Variants in ARL15 observed in about 807,000 individuals in gnomAD.
ARL15 encodes ADP-ribosylation factor-like protein 15.
A neutral mutation model predicts 25.2 loss-of-function variants in ARL15; 19 were observed. The ratio of observed to expected loss-of-function variants is 0.75; its 90% confidence interval spans 0.53 to 1.10. The LOEUF is 1.10. ARL15 is among the 50% of genes least tolerant of loss of function. The probability of loss-of-function intolerance (pLI) is 0.00; values close to 1 mark genes in which losing one functional copy is unlikely to be tolerated. For synonymous variants in ARL15, 94 were observed against 86.8 expected, an observed-to-expected ratio of 1.08 and a Z score of -0.46; for missense variants, 220 against 246.0, an observed-to-expected ratio of 0.89 and a Z score of 0.71.
chr5:53,904,404 T>A (rs1392720675), intron 4 of ARL15, among the ~76,000 whole-genome samples: 2 of 152,182 alleles, frequency 1.3e-5, no homozygotes, highest in Non-Finnish European at 2.9e-5. Context: ...ACTTGAGAAT[T>A]TCTATTCCTA....
intron 1 of ARL15, among the ~76,000 whole-genome samples, chr5:54,228,185 T>C (rs1756575862): frequency 6.6e-6 from 1 of 152,114 alleles, no homozygotes; most frequent in South Asian, 2.1e-4. Context: ...CTCACATCCC[T>C]AAAAATAGAG....
At chr5:54,102,592 T>C (rs1343194674) in intron 4 of ARL15, among the ~76,000 whole-genome samples, 1 of 152,176 alleles carries the variant, frequency 6.6e-6, no homozygotes, top group Non-Finnish European at 1.5e-5. Flanking sequence ...CAATGAAATA[T>C]GCTAACGCCT....
intron 4 of ARL15, among the ~76,000 whole-genome samples, chr5:53,922,493 C>T (rs1296993233): frequency 1.3e-5 from 2 of 151,894 alleles, no homozygotes; most frequent in East Asian, 3.9e-4. Context: ...ACAAGAGGAA[C>T]ATTTAAGATA....
chr5:54,309,506 G>C (rs1425624920), intron 1 of ARL15, among the ~76,000 whole-genome samples: 1 of 152,220 alleles, frequency 6.6e-6, no homozygotes, highest in Non-Finnish European at 1.5e-5. Context: ...GATGACAGGA[G>C]GGTCAATGTT....
chr5:54,144,575 C>A (rs1471655684), intron 3 of ARL15, among the ~76,000 whole-genome samples: 1 of 152,110 alleles, frequency 6.6e-6, no homozygotes, highest in Non-Finnish European at 1.5e-5. Flanking sequence ...TTTTTCTTCT[C>A]ATTTTTCATT....
intron 4 of ARL15, among the ~76,000 whole-genome samples, chr5:53,938,336 A>G (rs1381200456): frequency 1.3e-5 from 2 of 152,150 alleles, no homozygotes; most frequent in African/African-American, 4.8e-5. Flanking sequence ...ACAGCACTAT[A>G]TGTCTACTTT....
Position 54,169,699 on chromosome 5 carries a change from A to T in ARL15, c.193+2085T>A, listed in dbSNP as rs547822560. The stretch of plus-strand genomic sequence containing the variant: ...GCTCTAGCTGCCCTTAAGAGATTCT[A>T]ACCCAAGATGGGGAGATGGGCACAT... On this transcript the variant is annotated intron_variant, in intron 2 of 4. Coordinates refer to ENST00000504924, the MANE Select transcript of ARL15 (RefSeq NM_019087.3). Among the ~76,000 whole-genome samples, 6 of 152,336 alleles carry T rather than the reference A, an allele frequency of 3.9e-5. No homozygotes were observed. In the East Asian group the frequency reaches 9.6e-4, roughly 24 times the overall value.
At chr5:54,058,425 C>T (rs563649591) in intron 4 of ARL15, among the ~76,000 whole-genome samples, 1 of 152,224 alleles carries the variant, frequency 6.6e-6, no homozygotes, top group South Asian at 2.1e-4. Context: ...ACTTTATACC[C>T]GCCATTGTTC....
At chr5:54,034,365 C>T (rs895899067) in intron 4 of ARL15, among the ~76,000 whole-genome samples, 2 of 152,054 alleles carry the variant, frequency 1.3e-5, no homozygotes, top group Non-Finnish European at 2.9e-5. Context: ...TACTATGGAC[C>T]CTAACATTCT....
At chr5:54,043,846 TA>T (rs34949977) in intron 4 of ARL15, among the ~76,000 whole-genome samples, 50,462 of 142,964 alleles carry the variant, frequency 0.35, 10,279 homozygotes, top group Admixed American at 0.47. Context: ...CCCCATCTCT[TA>T]AAAAAAAAAA....
At chr5:54,269,446 A>T (rs1350773745) in intron 1 of ARL15, among the ~76,000 whole-genome samples, 1 of 152,066 alleles carries the variant, frequency 6.6e-6, no homozygotes, top group Non-Finnish European at 1.5e-5. Context: ...TGTGGCCGTA[A>T]GTTTTCAATA....
intron 4 of ARL15, among the ~76,000 whole-genome samples, chr5:53,932,898 G>A (rs934887172): frequency 6.6e-6 from 1 of 152,296 alleles, no homozygotes; most frequent in Non-Finnish European, 1.5e-5. Flanking sequence ...GACAATTAAA[G>A]CCCCAATAAT....
chr5:54,224,052 T>G (rs1756450141), intron 1 of ARL15, among the ~76,000 whole-genome samples: 1 of 152,306 alleles, frequency 6.6e-6, no homozygotes, highest in Admixed American at 6.5e-5. Flanking sequence ...TATTAGGATG[T>G]TGTGTGCTTG....
intron 1 of ARL15, among the ~76,000 whole-genome samples, chr5:54,275,915 G>T (rs1046786779): frequency 6.7e-6 from 1 of 148,488 alleles, no homozygotes; most frequent in Admixed American, 6.8e-5. Context: ...GGATGGTCTC[G>T]ATCTCCTGAC....
At chr5:53,892,584 A>G (rs1206043100) in intron 4 of ARL15, among the ~76,000 whole-genome samples, 1 of 149,124 alleles carries the variant, frequency 6.7e-6, no homozygotes, top group Non-Finnish European at 1.5e-5. Context: ...TCTGTTATTT[A>G]TTTATTATTA....
chr5:54,054,477 A>C (rs1750797495), intron 4 of ARL15, among the ~76,000 whole-genome samples: 1 of 152,196 alleles, frequency 6.6e-6, no homozygotes, highest in South Asian at 2.1e-4. Flanking sequence ...TACATTCAAC[A>C]ATGTGGATGA....
chr5:54,239,166 T>C (rs1756887093), intron 1 of ARL15, among the ~76,000 whole-genome samples: 2 of 151,990 alleles, frequency 1.3e-5, no homozygotes, highest in African/African-American at 4.8e-5. Flanking sequence ...GCTGTACAAC[T>C]ATTAATAGAT....
At chr5:54,239,361 C>T (rs1377744859) in intron 1 of ARL15, among the ~76,000 whole-genome samples, 1 of 151,926 alleles carries the variant, frequency 6.6e-6, no homozygotes, top group Non-Finnish European at 1.5e-5. Context: ...TTGGAAAAGA[C>T]TCTTTTCCAC....
At chr5:54,085,192 C>A (rs2112123374) in intron 4 of ARL15, among the ~76,000 whole-genome samples, 1 of 152,286 alleles carries the variant, frequency 6.6e-6, no homozygotes, top group African/African-American at 2.4e-5. Context: ...AATTGTTTAA[C>A]CCTGTGAGCT....
Sources: allele counts gnomAD v4.1 joint callset (sites outside exome capture counted in the v4.1 genomes callset), GRCh38; gene constraint gnomAD v4.1.1; transcripts MANE v1.5; gene names NCBI Gene and HGNC (gene_info 2026-07-23, HGNC 2026-07-21).